The following RBPJ variants were observed in gnomAD, a reference collection of about 807,000 sequenced individuals.
RBPJ encodes the protein recombination signal binding protein for immunoglobulin kappa J region.
Under a neutral mutation model 67.8 loss-of-function variants are expected in RBPJ, and 9 were observed. The observed-to-expected ratio is 0.13, with a 90% CI of 0.08 to 0.23. The LOEUF is 0.23. Ranked by LOEUF, RBPJ falls within the 10% of genes least tolerant of loss-of-function variation. The probability of loss-of-function intolerance (pLI) is 1.00; values close to 1 mark genes in which losing one functional copy is unlikely to be tolerated. For missense variants in RBPJ, 305 were observed against 595.6 expected (o/e 0.51, Z 5.08); for synonymous variants, 198 against 203.3 (o/e 0.97, Z 0.22).
intron 1 of RBPJ, among the ~76,000 whole-genome samples, chr4:26,282,452 T>C (rs1328607072): frequency 6.6e-6 from 1 of 152,088 alleles, no homozygotes; most frequent in Non-Finnish European, 1.5e-5. Context: ...ACACATTTCA[T>C]ATTCGAATAA....
At chr4:26,263,639 T>G (rs1244890054) in intron 1 of RBPJ, among the ~76,000 whole-genome samples, 2 of 152,300 alleles carry the variant, frequency 1.3e-5, no homozygotes, top group African/African-American at 4.8e-5. Context: ...CGGCCCGATC[T>G]CTGCTCACTG....
At chr4:26,343,739 CTTTTT>C (rs71186404) in intron 1 of RBPJ, among the ~76,000 whole-genome samples, 7 of 55,836 alleles carry the variant, frequency 1.3e-4, no homozygotes, top group African/African-American at 5.0e-4. Context: ...TTTCTTTCTT[CTTTTT>C]TTTTTTTTTT....
intron 1 of RBPJ, among the ~76,000 whole-genome samples, chr4:26,174,690 G>A (rs1033463306): frequency 2.0e-5 from 3 of 151,968 alleles, no homozygotes; most frequent in African/African-American, 4.8e-5. Flanking sequence ...GGCTGGTCTC[G>A]AACTCCTGAC....
chr4:26,383,708 T>C (rs1337334183), intron 1 of RBPJ, among the ~76,000 whole-genome samples: 1 of 152,226 alleles, frequency 6.6e-6, no homozygotes, highest in African/African-American at 2.4e-5. Context: ...GTGGTACATT[T>C]AATCGGTGTA....
At chr4:26,123,849 A>G in the RBPJ span, among the ~76,000 whole-genome samples, 278 of 152,306 alleles carry the variant, frequency 1.8e-3, 1 homozygote, top group African/African-American at 6.3e-3. Context: ...CTTCAGGGGC[A>G]TGGAGCTGTC....
intron 7 of RBPJ, among the ~76,000 whole-genome samples, chr4:26,427,536 AG>A (rs2109831027): frequency 6.6e-6 from 1 of 152,316 alleles, no homozygotes; most frequent in East Asian, 1.9e-4. Flanking sequence ...GGCATTTTAA[AG>A]GTCAGTTGGA....
the RBPJ span, among the ~76,000 whole-genome samples, chr4:26,106,785 A>G: frequency 6.6e-6 from 1 of 151,958 alleles, no homozygotes; most frequent in African/African-American, 2.4e-5. Context: ...CTGCAGCTGG[A>G]CTCTGACCAA....
intron 1 of RBPJ, among the ~76,000 whole-genome samples, chr4:26,310,442 T>G (rs967107474): frequency 2.0e-5 from 3 of 152,200 alleles, no homozygotes; most frequent in Non-Finnish European, 4.4e-5. Flanking sequence ...CAGGGCTGTC[T>G]TAGGCCCAGA....
intron 1 of RBPJ, among the ~76,000 whole-genome samples, chr4:26,178,584 G>A (rs1291837149): frequency 2.7e-5 from 4 of 148,346 alleles, no homozygotes; most frequent in South Asian, 4.4e-4. Flanking sequence ...CTTCAGCCTG[G>A]GTGACAGAGC....
At chr4:26,330,997 T>C (rs1036167361) in intron 1 of RBPJ, among the ~76,000 whole-genome samples, 5 of 152,192 alleles carry the variant, frequency 3.3e-5, no homozygotes, top group Non-Finnish European at 7.3e-5. Flanking sequence ...ACTAATCATA[T>C]ATTCTAAAAG....
At chr4:26,261,307 T>A (rs990168715) in intron 1 of RBPJ, among the ~76,000 whole-genome samples, 2 of 151,988 alleles carry the variant, frequency 1.3e-5, no homozygotes, top group African/African-American at 2.4e-5. Context: ...AGGGCTGAGA[T>A]GAATTAATGA....
chr4:26,434,887 AGG>A lies in RBPJ; in HGVS notation c.*3881_*3882del, dbSNP rs1194967788. 12 of 152,280 alleles carry A rather than the reference AGG, an allele frequency of 7.9e-5. No homozygotes were observed. The highest frequency in any genetic ancestry group is 2.9e-4 in the African/African-American group (12 of 41,484). The allele number at this position is 152,280 out of a possible 1,614,324, so 9.4% of individuals were successfully genotyped here. ...AAAACTTGCAATACGAGCAGTTTCA[AGG>A]AATAAATAAAAAGGAAATGTAAACC... On this transcript the variant is annotated 3_prime_UTR_variant, in exon 11 of 11. Transcript: ENST00000355476.
intron 3 of RBPJ, among the ~76,000 whole-genome samples, chr4:26,415,183 T>G (rs1433713018): frequency 6.6e-6 from 1 of 152,206 alleles, no homozygotes; most frequent in African/African-American, 2.4e-5. Flanking sequence ...CTCTGGTAAT[T>G]TAGAACTCTG....
chr4:26,333,247 C>T (rs1724444510), intron 1 of RBPJ, among the ~76,000 whole-genome samples: 1 of 152,104 alleles, frequency 6.6e-6, no homozygotes, highest in African/African-American at 2.4e-5. Flanking sequence ...CGATATATTT[C>T]TTAATTTAAA....
intron 2 of RBPJ, 68 bp from the exon 3 acceptor site, chr4:26,406,101 CAGAGCG>C: frequency 1.1e-6 from 1 of 936,244 alleles, no homozygotes; most frequent in Non-Finnish European, 1.7e-6. Flanking sequence ...CCTCTCATTA[CAGAGCG>C]TAGTAATGAT....
chr4:26,135,991 C>A, the RBPJ span, among the ~76,000 whole-genome samples: 1 of 152,166 alleles, frequency 6.6e-6, no homozygotes, highest in Non-Finnish European at 1.5e-5. Context: ...CTGGGGAGAC[C>A]TCACAATCAC....
chr4:26,151,295 A>G, the RBPJ span, among the ~76,000 whole-genome samples: 3 of 152,350 alleles, frequency 2.0e-5, no homozygotes, highest in Non-Finnish European at 4.4e-5. Context: ...GAATTATAGC[A>G]TAAAATGGTT....
intron 1 of RBPJ, among the ~76,000 whole-genome samples, chr4:26,262,874 G>A (rs1380822528): frequency 6.6e-6 from 1 of 151,968 alleles, no homozygotes; most frequent in Non-Finnish European, 1.5e-5. Context: ...TCTTCTTCCA[G>A]CCCTATAATC....
At position 26,420,563 on chromosome 4, in the gene RBPJ, G is replaced by A; in HGVS notation, c.334G>A (p.Ala112Thr). 1 of 1,603,826 alleles carries A rather than the reference G, an allele frequency of 6.2e-7. No homozygotes were observed. Among genetic ancestry groups the A allele is most frequent in the Non-Finnish European group, 8.5e-7 (1 of 1,176,190 alleles). The change falls in exon 5 of 11, where the codon GCC becomes ACC. Residue 112 changes from alanine to threonine, a missense_variant. Around this residue, in one of 7 missense-constraint regions of RBPJ, gnomAD observed 79 missense variants for 106.2 expected, o/e 0.74. Coordinates refer to ENST00000355476, the MANE Select transcript of RBPJ (RefSeq NM_015874.6). The part of the protein sequence containing the change: ...LNLEGKNYCT[A>T]KTLYISDSDK... The stretch of plus-strand genomic sequence containing the variant: ...TTTTCTTTCACAGAACTATTGCACA[G>A]CCAAAACATTGTATATATCTGACTC...
Sources: gnomAD v4.1 joint callset for allele counts (sites outside exome capture counted in the v4.1 genomes callset) on GRCh38, gnomAD v4.1.1 for gene constraint, gnomAD v4.1.1 regional missense constraint, MANE v1.5 for transcripts, NCBI Gene and HGNC (gene_info 2026-07-23, HGNC 2026-07-21) for gene names.